The following ERGIC3 variants were observed in gnomAD, a reference collection of about 807,000 sequenced individuals.
The protein encoded by ERGIC3 is ERGIC and golgi 3, also known as endoplasmic reticulum-Golgi intermediate compartment protein 3.
A neutral mutation model predicts 54.7 loss-of-function variants in ERGIC3; 33 were observed. That is an observed-to-expected ratio of 0.60 (90% CI 0.46 to 0.81). The LOEUF (loss-of-function observed/expected upper bound fraction) is 0.81, where lower values mean the gene tolerates loss of function less well. ERGIC3 is among the 30% of genes least tolerant of loss of function. The pLI, the probability that ERGIC3 is intolerant of heterozygous loss-of-function variation, is 0.00. For synonymous variants in ERGIC3, 186 were observed against 189.8 expected (o/e 0.98, Z 0.16); for missense variants, 399 against 488.4 (o/e 0.82, Z 1.73).
At chr20:35,542,254 C>T in intron 1 of ERGIC3, 69 bp downstream of exon 1, 2 of 1,611,956 alleles carry the variant, frequency 1.2e-6, no homozygotes, top group East Asian at 2.2e-5. Flanking sequence ...CTCCTGGACT[C>T]TGACTGGCCT....
intron 7 of ERGIC3, chr20:35,554,268 G>A: frequency 6.9e-7 from 1 of 1,446,426 alleles, no homozygotes; most frequent in African/African-American, 1.4e-5. Flanking sequence ...GTGTTGCTGA[G>A]GCTGAATGTT....
At chr20:35,545,828 C>T (rs2147304180) in intron 4 of ERGIC3, among the ~76,000 whole-genome samples, 1 of 152,208 alleles carries the variant, frequency 6.6e-6, no homozygotes, top group African/African-American at 2.4e-5. Context: ...CTATTTTATA[C>T]TCTGGTGATA....
intron 7 of ERGIC3, among the ~76,000 whole-genome samples, chr20:35,552,257 TGAG>T (rs2064685799): frequency 6.6e-6 from 1 of 152,006 alleles, no homozygotes; most frequent in Admixed American, 6.5e-5. Flanking sequence ...CAGTTGAGAA[TGAG>T]GAGAGAGGGA....
rs1373127531 is a variant in ERGIC3, at chr20:35,545,572, A to G, written c.368-1840A>G. Among the ~76,000 whole-genome samples, 3 of 152,188 alleles carry G rather than the reference A, an allele frequency of 2.0e-5. No individual in the cohort carries two copies. In the East Asian group the frequency reaches 5.8e-4, roughly 29 times the overall value. ...ACAAGAGTGAAACTCTGTCTCAACA[A>G]CAACAACAAAAAAACGTGTAACCTT... On this transcript the variant is annotated intron_variant, in intron 4 of 12. Transcript: ENST00000348547.
chr20:35,548,365 C>A, intron 5 of ERGIC3, 144 bp from the exon 6 acceptor site: 1 of 843,078 alleles, frequency 1.2e-6, no homozygotes, highest in Non-Finnish European at 1.8e-6. Flanking sequence ...ACTGAGGAAA[C>A]ACATTTGGAG....
At chr20:35,545,384 C>T (rs1483503101) in intron 4 of ERGIC3, 4 of 151,376 alleles carry the variant, frequency 2.6e-5, no homozygotes, top group Admixed American at 6.6e-5. Flanking sequence ...ATGGTAAAAC[C>T]CCATCTCTAC....
At chr20:35,543,891 A>C in intron 4 of ERGIC3, 1 of 334,014 alleles carries the variant, frequency 3.0e-6, no homozygotes, top group Non-Finnish European at 6.0e-6. Context: ...TGATACAATA[A>C]AAATGTGTTT....
chr20:35,544,555 T>TG (rs974349139), intron 4 of ERGIC3: 4 of 272,814 alleles, frequency 1.5e-5, no homozygotes, highest in Admixed American at 7.8e-5. Context: ...CGTTTGTCCT[T>TG]GGAGACCTTG....
chr20:35,555,930 C>T (rs1166033283), intron 8 of ERGIC3, 103 bp from the exon 9 acceptor site: 3 of 1,084,532 alleles, frequency 2.8e-6, no homozygotes, highest in Non-Finnish European at 4.1e-6. Flanking sequence ...CCCTTAGGAC[C>T]ATAGCCTCCC....
At chr20:35,553,019 G>GCTTTTT (rs2064689546) in intron 7 of ERGIC3, among the ~76,000 whole-genome samples, 1 of 12,630 alleles carries the variant, frequency 7.9e-5, no homozygotes, top group Non-Finnish European at 2.2e-4. Context: ...CAAAGCTGGG[G>GCTTTTT]ATTTTTTTTT....
At chr20:35,542,739 GC>G (rs749550942) in intron 3 of ERGIC3, 82 bp from the exon 4 acceptor site, 12 of 1,610,124 alleles carry the variant, frequency 7.5e-6, no homozygotes, top group Non-Finnish European at 1.0e-5. Flanking sequence ...CCCAAGACAG[GC>G]CCAGTATCCC....
rs1343352731 is a variant in ERGIC3 at position 35,547,458 on chromosome 20, C to T, written c.414C>T (p.Asp138=). ...CGGTGTTTGACCCTGACTCCCTGGA[C>T]CCTGATCGCTGTGAGAGCTGCTATG... ...EVTVFDPDSL[D]PDRCESCYGA... Residue 138 remains aspartate, a synonymous_variant, in exon 5 of 13, where the codon GAC becomes GAT. Coordinates refer to ENST00000348547, the MANE Select transcript of ERGIC3 (RefSeq NM_015966.3). 6.2e-7 allele frequency: 1 copy of T among 1,613,980 alleles called. No homozygotes were observed. Among genetic ancestry groups the T allele is most frequent in the Non-Finnish European group, 8.5e-7 (1 of 1,180,020 alleles).
intron 7 of ERGIC3, among the ~76,000 whole-genome samples, chr20:35,550,489 G>A (rs973325573): frequency 2.0e-5 from 3 of 152,186 alleles, no homozygotes; most frequent in Non-Finnish European, 2.9e-5. Flanking sequence ...GGTGGCACAC[G>A]CCTGTAATCC....
intron 4 of ERGIC3, chr20:35,544,620 A>G (rs2064637717): frequency 8.3e-6 from 2 of 242,366 alleles, no homozygotes; most frequent in African/African-American, 4.7e-5. Context: ...CTCTCGGATC[A>G]TGTCCCACAT....
chr20:35,547,628 T>G, intron 5 of ERGIC3, 123 bp downstream of exon 5: 1 of 796,366 alleles, frequency 1.3e-6, no homozygotes, highest in Non-Finnish European at 2.1e-6. Flanking sequence ...GCGGGGTATG[T>G]GCCTCTGTCA....
Position 35,556,219 on chromosome 20 carries a change from T to G in ERGIC3, c.827T>G (p.Phe276Cys). Reference protein sequence around the residue: ...NVTAPQASMMFQYFVKVVPTV... With the variant: ...NVTAPQASMMCQYFVKVVPTV... ...GTTTTCCCCTCAGCCTCCATGATGTTCCAGTACTTTGTGAAGGTGGTGCCC... is the reference window on the plus strand; with the variant it reads ...GTTTTCCCCTCAGCCTCCATGATGTGCCAGTACTTTGTGAAGGTGGTGCCC... The change falls in exon 10 of 13, where the codon TTC (phenylalanine) becomes TGC (cysteine). Residue 276 changes from phenylalanine (F) to cysteine (C), a missense_variant. Transcript: ENST00000348547. The G allele has an allele frequency of 6.2e-7, 1 of 1,614,152 alleles. No individual in the cohort carries two copies. The highest frequency in any genetic ancestry group is 8.5e-7 in the Non-Finnish European group (1 of 1,180,018).
intron 4 of ERGIC3, chr20:35,545,274 T>C (rs2064642361): frequency 6.6e-6 from 1 of 152,078 alleles, no homozygotes; most frequent in Non-Finnish European, 1.5e-5. Flanking sequence ...ACCATAACCT[T>C]TGGCCAGGCA....
rs2064704319 is a variant in ERGIC3 at position 35,555,180 on chromosome 20, A to G, written c.717+105A>G. On this transcript the variant is annotated intron_variant, in intron 8 of 12. Coordinates refer to ENST00000348547, the MANE Select transcript of ERGIC3 (RefSeq NM_015966.3). Reference sequence around the variant, plus strand: ...CCTGGGATGGGGTAGTGCATATGGAAAAATACACCACGTTCTGAATGGGGA... The same window carrying G: ...CCTGGGATGGGGTAGTGCATATGGAGAAATACACCACGTTCTGAATGGGGA... 32 of 1,286,396 alleles carry G rather than the reference A, an allele frequency of 2.5e-5. No individual in the cohort carries two copies. The South Asian group carries it at 3.6e-4, about 15-fold the overall frequency. 79.7% of individuals were successfully genotyped at this position (1,286,396 alleles called of 1,614,324 possible).
Position 35,542,334 on chromosome 20 carries a change from AGT to A in ERGIC3, c.102_103del (p.Ser34ArgfsTer23). 1 of 1,613,978 alleles carries A rather than the reference AGT, an allele frequency of 6.2e-7. No individual in the cohort carries two copies. The highest frequency in any genetic ancestry group is 8.5e-7 in the Non-Finnish European group (1 of 1,180,010). ...TCGGATVTIV[S>X]GLLMLLLFLS... is the part of the protein sequence containing the mutation. ...CCCTTGTCCTGCAGTGACCATTGTC[AGT>A]GGCCTTCTCATGCTGCTACTGTTCC... On this transcript the variant is annotated frameshift_variant, in exon 2 of 13. Coordinates refer to ENST00000348547, the MANE Select transcript of ERGIC3 (RefSeq NM_015966.3). LOFTEE classifies it high-confidence loss of function.
Sources: gnomAD v4.1 joint callset for allele counts (sites outside exome capture counted in the v4.1 genomes callset) on GRCh38, gnomAD v4.1.1 for gene constraint, MANE v1.5 for transcripts, NCBI Gene and HGNC (gene_info 2026-07-23, HGNC 2026-07-21) for gene names.